Variants in CFAP96 observed in about 807,000 individuals in gnomAD.
CFAP96 encodes cilia-and flagella-associated protein 96.
At chr4:185,430,750 A>G in the CFAP96 span, among the ~76,000 whole-genome samples, 3 of 151,846 alleles carry the variant, frequency 2.0e-5, no homozygotes, top group African/African-American at 4.8e-5. Flanking sequence ...AAAAAATACA[A>G]AAATTAGCTG....
At chr4:185,422,188 C>T in the CFAP96 span, among the ~76,000 whole-genome samples, 7 of 152,308 alleles carry the variant, frequency 4.6e-5, no homozygotes, top group South Asian at 8.3e-4. Flanking sequence ...CAATTCTCGA[C>T]GCACATTTAC....
At chr4:185,434,912 T>A in the CFAP96 span, among the ~76,000 whole-genome samples, 1 of 152,110 alleles carries the variant, frequency 6.6e-6, no homozygotes, top group Non-Finnish European at 1.5e-5. Context: ...GGCTAGTTTT[T>A]TGTGTTTTTA....
At chr4:185,419,893 T>C in the CFAP96 span, among the ~76,000 whole-genome samples, 1 of 152,256 alleles carries the variant, frequency 6.6e-6, no homozygotes, top group South Asian at 2.1e-4. Context: ...GTTCAGTTTC[T>C]GTGTGGATGT....
chr4:185,437,844 A>G, the CFAP96 span, among the ~76,000 whole-genome samples: 1 of 152,132 alleles, frequency 6.6e-6, no homozygotes, highest in African/African-American at 2.4e-5. Context: ...AGATTTCCTA[A>G]TATTCTAAAA....
chr4:185,430,982 T>C, the CFAP96 span, among the ~76,000 whole-genome samples: 132,068 of 151,734 alleles, frequency 0.87, 57,920 homozygotes, highest in East Asian at 0.99. Context: ...GAGGCTGAGG[T>C]GGGTGGATCA....
chr4:185,411,238 T>C, the CFAP96 span, among the ~76,000 whole-genome samples: 1 of 151,708 alleles, frequency 6.6e-6, no homozygotes, highest in East Asian at 1.9e-4. Context: ...CAAAAAGTCC[T>C]AAAGCTGTTA....
the CFAP96 span, chr4:185,445,430 CA>C: frequency 9.4e-7 from 1 of 1,062,558 alleles, no homozygotes. Flanking sequence ...GTTAGATATG[CA>C]TAGTTCAGTT....
At chr4:185,409,041 CTG>C in the CFAP96 span, among the ~76,000 whole-genome samples, 1 of 152,130 alleles carries the variant, frequency 6.6e-6, no homozygotes, top group African/African-American at 2.4e-5. Context: ...AGTACATACA[CTG>C]TGTCTTATCC....
At chr4:185,447,342 C>T in the CFAP96 span, among the ~76,000 whole-genome samples, 17 of 151,904 alleles carry the variant, frequency 1.1e-4, no homozygotes, top group Non-Finnish European at 1.8e-4. Flanking sequence ...CCACCACGCC[C>T]GGCTAATTTT....
chr4:185,439,049 G>A, the CFAP96 span, among the ~76,000 whole-genome samples: 1 of 152,172 alleles, frequency 6.6e-6, no homozygotes, highest in Non-Finnish European at 1.5e-5. Flanking sequence ...TATTCTTCTG[G>A]TAAAAGGTGA....
chr4:185,413,130 T>C, the CFAP96 span, among the ~76,000 whole-genome samples: 15,033 of 151,896 alleles, frequency 0.099, 1,263 homozygotes, highest in African/African-American at 0.23. Context: ...CATGGTGAAA[T>C]CCTGTCTCTA....
chr4:185,411,714 C>G, the CFAP96 span, among the ~76,000 whole-genome samples: 1 of 152,102 alleles, frequency 6.6e-6, no homozygotes, highest in Admixed American at 6.6e-5. Context: ...ATGTTAACAA[C>G]TGTTGCACAT....
chr4:185,442,773 G>A, the CFAP96 span, among the ~76,000 whole-genome samples: 5 of 152,108 alleles, frequency 3.3e-5, no homozygotes, highest in South Asian at 2.1e-4. Flanking sequence ...TTGAATATAC[G>A]CTGAATTTTA....
chr4:185,415,367 A>G, the CFAP96 span: 1 of 1,542,480 alleles, frequency 6.5e-7, no homozygotes, highest in East Asian at 2.3e-5. Flanking sequence ...GAAATATATA[A>G]GTGTATTAAC....
the CFAP96 span, among the ~76,000 whole-genome samples, chr4:185,449,295 C>T: frequency 6.6e-6 from 1 of 152,044 alleles, no homozygotes; most frequent in African/African-American, 2.4e-5. Context: ...CCAAGGTAGG[C>T]AGATCGCTTG....
the CFAP96 span, among the ~76,000 whole-genome samples, chr4:185,434,160 G>A: frequency 1.3e-5 from 2 of 152,086 alleles, no homozygotes; most frequent in African/African-American, 4.8e-5. Context: ...TTGAGGCTGC[G>A]GTGAGCTGAG....
chr4:185,426,897 A>T, the CFAP96 span, among the ~76,000 whole-genome samples: 1 of 147,516 alleles, frequency 6.8e-6, no homozygotes, highest in African/African-American at 2.5e-5. Context: ...AAAAAAAAAA[A>T]AAAAAAAAAA....
At chr4:185,448,175 C>T in the CFAP96 span, among the ~76,000 whole-genome samples, 4 of 152,008 alleles carry the variant, frequency 2.6e-5, no homozygotes, top group African/African-American at 9.7e-5. Context: ...CGCCCACCAC[C>T]ACGCCCAGCT....
the CFAP96 span, chr4:185,415,961 T>C: frequency 8.9e-7 from 1 of 1,124,980 alleles, no homozygotes; most frequent in Non-Finnish European, 1.2e-6. Flanking sequence ...TATTTATTAT[T>C]AAGAAAAAAA....
Sources: allele counts gnomAD v4.1 joint callset (sites outside exome capture counted in the v4.1 genomes callset), GRCh38; gene constraint gnomAD v4.1.1; transcripts MANE v1.5; gene names NCBI Gene and HGNC (gene_info 2026-07-23, HGNC 2026-07-21).